Variants in DIO2 observed in about 807,000 individuals in gnomAD.
DIO2 encodes type II iodothyronine deiodinase.
In DIO2, 19 loss-of-function variants were observed where a neutral mutation model predicts 21.4. The observed-to-expected ratio is 0.89, with a 90% CI of 0.62 to 1.30. The LOEUF (loss-of-function observed/expected upper bound fraction) is 1.30, where lower values mean the gene tolerates loss of function less well. Among genes scored for constraint, DIO2 ranks in the 50% most tolerant of loss-of-function variants. DIO2 has a pLI of 0.00. For missense variants in DIO2, 302 were observed against 338.1 expected (o/e 0.89, Z 0.84); for synonymous variants, 122 against 132.9 (o/e 0.92, Z 0.57).
chr14:80,213,406 C>G (rs1006859682), upstream of DIO2, among the ~76,000 whole-genome samples: 2 of 152,144 alleles, frequency 1.3e-5, no homozygotes, highest in South Asian at 2.1e-4. Context: ...TTCCATGTGG[C>G]TAAAACCTTC....
chr14:80,202,995 T>C lies in DIO2; in HGVS notation c.516A>G (p.Ile172Met). ...CAAAAGACAAAGAGGAGTCCCCCGG[T>C]ATCGCCCAGCCATCTGATGGATGAG... ...DEAHPSDGWA[I>M]PGDSSLSFEV... Residue 172 changes from isoleucine to methionine, a missense_variant, in exon 2 of 2, where the codon ATA becomes ATG. Coordinates refer to ENST00000438257, the MANE Select transcript of DIO2 (RefSeq NM_013989.5). 3 of 1,613,924 alleles carry C rather than the reference T, an allele frequency of 1.9e-6. No individual in the cohort carries two copies. The highest frequency in any genetic ancestry group is 2.5e-6 in the Non-Finnish European group (3 of 1,179,862).
At chr14:80,224,053 C>G (rs1269511191) in intron 2 of DIO2, among the ~76,000 whole-genome samples, 1 of 152,204 alleles carries the variant, frequency 6.6e-6, no homozygotes, top group Non-Finnish European at 1.5e-5. Flanking sequence ...ATTGCTGACT[C>G]TCATTGAGAA....
At position 80,201,013 on chromosome 14, in the gene DIO2, C is replaced by T. The variant is rs866677761; in HGVS notation, c.*1676G>A. On this transcript the variant is annotated 3_prime_UTR_variant, in exon 2 of 2. Coordinates refer to ENST00000438257, the MANE Select transcript of DIO2 (RefSeq NM_013989.5). ...TTGTACCTTTAAATACAATCATATACTATGATTTCATAATAGTCTCATATT... is the reference window on the plus strand; with the variant it reads ...TTGTACCTTTAAATACAATCATATATTATGATTTCATAATAGTCTCATATT... 39 of 151,932 alleles carry T rather than the reference C, an allele frequency of 2.6e-4. No homozygotes were observed. The highest frequency in any genetic ancestry group is 8.4e-4 in the African/African-American group (35 of 41,466). The allele number at this position is 151,932 out of a possible 1,614,324, so 9.4% of individuals were successfully genotyped here. A position where few individuals can be genotyped will look rare whatever the true frequency, so the allele number is the denominator to read the frequency against.
At chr14:80,213,588 G>A (rs1194109879), upstream of DIO2, among the ~76,000 whole-genome samples, 1 of 152,174 alleles carries the variant, frequency 6.6e-6, no homozygotes, top group Non-Finnish European at 1.5e-5. Context: ...AGGGATTCTT[G>A]TCCACTTTGT....
chr14:80,198,142 G>A lies in DIO2; in HGVS notation c.*4547C>T, dbSNP rs536327674. On this transcript the variant is annotated 3_prime_UTR_variant, in exon 2 of 2. Transcript: ENST00000438257. ...TTATGTGTTTACCTGTTGGCTTTTT[G>A]AGGGGAGGGGGAGAAGTGGAGGGTT... 7 of 152,656 alleles carry A rather than the reference G, an allele frequency of 4.6e-5. No homozygotes were observed. The South Asian group carries it at 1.2e-3, about 27-fold the overall frequency. 9.5% of individuals were successfully genotyped at this position (152,656 alleles called of 1,614,324 possible). A position where few individuals can be genotyped will look rare whatever the true frequency, so the allele number is the denominator to read the frequency against.
intron 2 of DIO2, among the ~76,000 whole-genome samples, chr14:80,222,713 C>T (rs1249910583): frequency 6.6e-6 from 1 of 152,108 alleles, no homozygotes; most frequent in African/African-American, 2.4e-5. Flanking sequence ...CTTTTCTTAA[C>T]CTACAAAAAC....
At chr14:80,203,418 A>T (rs1887827004) in intron 1 of DIO2, 130 bp from the exon 2 acceptor site, 2 of 1,119,356 alleles carry the variant, frequency 1.8e-6, no homozygotes. Flanking sequence ...CCTTCAGAGC[A>T]TTTGGTAAAC....
At chr14:80,227,960 C>A (rs1306504453) in intron 2 of DIO2, among the ~76,000 whole-genome samples, 2 of 152,206 alleles carry the variant, frequency 1.3e-5, no homozygotes, top group Non-Finnish European at 2.9e-5. Context: ...AGGCCCCACA[C>A]CACTGGACCC....
intron 1 of DIO2, among the ~76,000 whole-genome samples, chr14:80,209,690 G>A (rs954082466): frequency 6.6e-6 from 1 of 152,156 alleles, no homozygotes; most frequent in Non-Finnish European, 1.5e-5. Context: ...AGAACTTTGA[G>A]CACCAATTCA....
intron 1 of DIO2, chr14:80,205,743 A>T (rs1236858205): frequency 4.7e-6 from 6 of 1,272,166 alleles, no homozygotes; most frequent in South Asian, 2.7e-5. Context: ...AGTCTAAAAT[A>T]AAAAAATTAG....
intron 1 of DIO2, chr14:80,205,728 C>T: frequency 7.7e-7 from 1 of 1,297,534 alleles, no homozygotes; most frequent in South Asian, 1.3e-5. Context: ...AAGTACAACA[C>T]TGTCAGTCTA....
At chr14:80,229,902 T>C (rs957888793) in intron 2 of DIO2, among the ~76,000 whole-genome samples, 3 of 152,168 alleles carry the variant, frequency 2.0e-5, no homozygotes, top group Non-Finnish European at 4.4e-5. Context: ...TCTTTTTGAA[T>C]GTAGCGCACC....
intron 2 of DIO2, among the ~76,000 whole-genome samples, chr14:80,224,070 A>G (rs1325211712): frequency 6.6e-6 from 1 of 152,200 alleles, no homozygotes; most frequent in Non-Finnish European, 1.5e-5. Context: ...AGAACTTATT[A>G]TATACCTGCC....
chr14:80,224,492 A>C (rs1888529762), intron 2 of DIO2, among the ~76,000 whole-genome samples: 1 of 61,774 alleles, frequency 1.6e-5, no homozygotes, highest in Admixed American at 2.7e-4. Context: ...AGGTAGAGAG[A>C]TACTACACAC....
At chr14:80,206,282 A>T (rs1385082465) in intron 1 of DIO2, 17 of 1,582,558 alleles carry the variant, frequency 1.1e-5, no homozygotes, top group Non-Finnish European at 1.4e-5. Flanking sequence ...TATAAGCTTC[A>T]TATACTAGTC....
At chr14:80,219,158 G>T (rs1348782134) in intron 2 of DIO2, among the ~76,000 whole-genome samples, 1 of 152,164 alleles carries the variant, frequency 6.6e-6, no homozygotes, top group Non-Finnish European at 1.5e-5. Flanking sequence ...CTAGGCATTA[G>T]AGGGTACCAG....
chr14:80,215,250 G>T (rs1056390030), upstream of DIO2, among the ~76,000 whole-genome samples: 4 of 152,148 alleles, frequency 2.6e-5, no homozygotes, highest in South Asian at 4.1e-4. Context: ...GGCTTTTTAT[G>T]AAAAAACCTT....
intron 2 of DIO2, among the ~76,000 whole-genome samples, chr14:80,223,804 C>G (rs966587133): frequency 5.3e-5 from 8 of 152,086 alleles, no homozygotes; most frequent in Admixed American, 4.6e-4. Flanking sequence ...CTTAGTCTGC[C>G]CATGTTGTAG....
chr14:80,211,161 C>G, intron 1 of DIO2, 90 bp downstream of exon 1: 4 of 1,256,796 alleles, frequency 3.2e-6, no homozygotes, highest in Non-Finnish European at 4.4e-6. Context: ...TCACAGCTCT[C>G]CCCCCAATGC....
Sources: gnomAD v4.1 joint callset for allele counts (sites outside exome capture counted in the v4.1 genomes callset) on GRCh38, gnomAD v4.1.1 for gene constraint, MANE v1.5 for transcripts, NCBI Gene and HGNC (gene_info 2026-07-23, HGNC 2026-07-21) for gene names.